TRERF1: variants seen among roughly 807,000 people sequenced by gnomAD.
The protein encoded by TRERF1 is transcriptional-regulating factor 1.
In TRERF1, 27 loss-of-function variants were observed where a neutral mutation model predicts 122.9. The observed-to-expected ratio is 0.22, with a 90% CI of 0.16 to 0.30. TRERF1 has a LOEUF of 0.30. Ranked by LOEUF, TRERF1 falls within the 10% of genes least tolerant of loss-of-function variation. TRERF1 has a pLI of 1.00. For synonymous variants in TRERF1, 636 were observed against 641.7 expected (o/e 0.99, Z 0.13); for missense variants, 1,248 against 1,560.3 (o/e 0.80, Z 3.37).
chr6:42,298,076 A>G (rs1465810428), intron 4 of TRERF1, among the ~76,000 whole-genome samples: 1 of 152,220 alleles, frequency 6.6e-6, no homozygotes, highest in African/African-American at 2.4e-5. Flanking sequence ...AAAAAATCCA[A>G]TGAATGGGTT....
chr6:42,364,865 T>C (rs767375879), intron 2 of TRERF1, among the ~76,000 whole-genome samples: 1 of 152,110 alleles, frequency 6.6e-6, no homozygotes, highest in Non-Finnish European at 1.5e-5. Context: ...GCTGAGGAAG[T>C]TGCTGCTGCA....
intron 3 of TRERF1, among the ~76,000 whole-genome samples, chr6:42,332,704 A>G (rs1765452837): frequency 6.6e-6 from 1 of 152,232 alleles, no homozygotes; most frequent in African/African-American, 2.4e-5. Context: ...CTATTTAAAG[A>G]AGACTTCTTC....
At position 42,268,008 on chromosome 6, in the gene TRERF1, G is replaced by T; in HGVS notation, c.1437+146C>A. 2.0e-6 allele frequency: 2 copies of T among 1,005,968 alleles called. No individual in the cohort carries two copies. The highest frequency in any genetic ancestry group is 2.7e-6 in the Non-Finnish European group (2 of 749,546). 62.3% of individuals were successfully genotyped at this position (1,005,968 alleles called of 1,614,324 possible). A position where few individuals can be genotyped will look rare whatever the true frequency, so the allele number is the denominator to read the frequency against. On this transcript the variant is annotated intron_variant, in intron 5 of 17. Transcript: ENST00000372922. The surrounding 1 kb of genome is among the most constrained non-coding windows in gnomAD (Gnocchi z 4.4). ...GTATTCCAAGTGCTTGGCACAGACA[G>T]TGCGTGACACATGTAGGTTAATGTT... is the stretch of plus-strand genomic sequence containing the variant.
At chr6:42,425,196 T>A (rs1386411297) in intron 2 of TRERF1, among the ~76,000 whole-genome samples, 1 of 151,988 alleles carries the variant, frequency 6.6e-6, no homozygotes, top group Non-Finnish European at 1.5e-5. Flanking sequence ...TCAAAAACAA[T>A]AATAGTGAAA....
chr6:42,429,421 G>C (rs551173082), intron 2 of TRERF1, among the ~76,000 whole-genome samples: 31 of 152,302 alleles, frequency 2.0e-4, no homozygotes, highest in South Asian at 1.4e-3. Context: ...AACCACGGAG[G>C]GGGGGAAATG....
chr6:42,248,814 G>A (rs941025548), intron 13 of TRERF1, among the ~76,000 whole-genome samples: 5 of 152,108 alleles, frequency 3.3e-5, no homozygotes, highest in Non-Finnish European at 5.9e-5. Flanking sequence ...AATACTTGCC[G>A]GAGTGCATGT....
intron 2 of TRERF1, among the ~76,000 whole-genome samples, chr6:42,371,600 G>A (rs1006226174): frequency 1.3e-5 from 2 of 152,102 alleles, no homozygotes; most frequent in Admixed American, 6.5e-5. Context: ...GGCTCTCGAG[G>A]TAGCTTTTTA....
intron 6 of TRERF1, 108 bp downstream of exon 6, chr6:42,265,643 T>C: frequency 8.3e-7 from 1 of 1,201,618 alleles, no homozygotes; most frequent in Non-Finnish European, 1.2e-6. Flanking sequence ...TTATTATTTC[T>C]ACACACTTCT....
intron 2 of TRERF1, among the ~76,000 whole-genome samples, chr6:42,425,452 C>G (rs1421132511): frequency 6.7e-6 from 1 of 149,424 alleles, no homozygotes; most frequent in African/African-American, 2.5e-5. Context: ...AACCCAGAGT[C>G]AGAGTCAAAT....
At chr6:42,374,150 AAAGAAGAAG>A (rs762812010) in intron 2 of TRERF1, among the ~76,000 whole-genome samples, 41 of 144,034 alleles carry the variant, frequency 2.8e-4, no homozygotes, top group African/African-American at 4.1e-4. Flanking sequence ...AAAAAAAAAA[AAAGAAGAAG>A]AAGAAGAAGA....
intron 2 of TRERF1, among the ~76,000 whole-genome samples, chr6:42,450,614 T>C (rs1788302967): frequency 6.6e-6 from 1 of 152,234 alleles, no homozygotes; most frequent in Non-Finnish European, 1.5e-5. Flanking sequence ...CCAGGTGCTC[T>C]CGGCCTCCGC....
chr6:42,266,869 T>C (rs189333667), intron 5 of TRERF1, among the ~76,000 whole-genome samples: 1 of 152,350 alleles, frequency 6.6e-6, no homozygotes, highest in African/African-American at 2.4e-5. Context: ...GAGAATGCTA[T>C]GGGATGGGGC....
intron 13 of TRERF1, among the ~76,000 whole-genome samples, chr6:42,252,379 G>T (rs9394891): frequency 0.52 from 78,863 of 152,072 alleles, 20,952 homozygotes; most frequent in African/African-American, 0.63. Context: ...ACAGCCTCCC[G>T]CCCTGACATG....
chr6:42,425,607 G>A (rs534301104), intron 2 of TRERF1, among the ~76,000 whole-genome samples: 103 of 123,160 alleles, frequency 8.4e-4, no homozygotes, highest in African/African-American at 2.8e-3. Context: ...GCAATGGTGC[G>A]ATCTCAGCTC....
intron 2 of TRERF1, among the ~76,000 whole-genome samples, chr6:42,440,770 G>C (rs577078073): frequency 6.6e-6 from 1 of 152,118 alleles, no homozygotes; most frequent in Non-Finnish European, 1.5e-5. Context: ...TGAGGAAGGA[G>C]CCCACAAAAT....
At chr6:42,280,002 C>T (rs1200841909) in intron 4 of TRERF1, among the ~76,000 whole-genome samples, 2 of 152,026 alleles carry the variant, frequency 1.3e-5, no homozygotes, top group African/African-American at 4.8e-5. Context: ...TTTGGGTTGT[C>T]GTGGGTCCCC....
At chr6:42,271,330 C>T (rs1270734670) in intron 4 of TRERF1, among the ~76,000 whole-genome samples, 1 of 152,074 alleles carries the variant, frequency 6.6e-6, no homozygotes, top group East Asian at 1.9e-4. Flanking sequence ...GGGCAAACTT[C>T]TCATGTACTA....
At position 42,259,534 on chromosome 6, in the gene TRERF1, C is replaced by A. The variant is rs544977979; in HGVS notation, c.2074G>T (p.Val692Phe). Residue 692 changes from valine to phenylalanine, a missense_variant, in exon 9 of 18, where the codon GTC becomes TTC. Transcript: ENST00000372922. This position sits in a 1 kb window ranked among gnomAD's most constrained non-coding sequence, Gnocchi z 4.9. The stretch of plus-strand genomic sequence containing the variant: ...TCCAGGAGCAGGTGGTCCCCGAGGA[C>A]GCGCGGGGAGCGCAGCTGGCTCTGG... 7 of 1,613,186 alleles carry A rather than the reference C, an allele frequency of 4.3e-6. No homozygotes were observed. The highest frequency in any genetic ancestry group is 5.9e-6 in the Non-Finnish European group (7 of 1,179,754).
At chr6:42,297,229 G>A (rs1347394178) in intron 4 of TRERF1, among the ~76,000 whole-genome samples, 4 of 152,164 alleles carry the variant, frequency 2.6e-5, no homozygotes, top group African/African-American at 9.7e-5. Flanking sequence ...TGGCAGACCG[G>A]ATACCTTACT....
Sources: allele counts gnomAD v4.1 joint callset (sites outside exome capture counted in the v4.1 genomes callset), GRCh38; gene constraint gnomAD v4.1.1; non-coding constraint Gnocchi (gnomAD v3.1); transcripts MANE v1.5; gene names NCBI Gene and HGNC (gene_info 2026-07-23, HGNC 2026-07-21).